KIF14: variants seen among roughly 807,000 people sequenced by gnomAD.
KIF14 encodes the protein kinesin family member 14.
KIF14 carries 98 observed loss-of-function variants against 176.2 expected under a neutral mutation model. The ratio of observed to expected loss-of-function variants is 0.56; its 90% CI spans 0.47 to 0.66. The LOEUF is 0.66. KIF14 is among the 30% of genes least tolerant of loss of function. The pLI is 0.00. For missense variants in KIF14, 1,751 were observed against 1,920.4 expected, an observed-to-expected ratio of 0.91 and a Z score of 1.65; for synonymous variants, 566 against 632.2, an observed-to-expected ratio of 0.90 and a Z score of 1.57.
chr1:200,581,080 C>A, intron 20 of KIF14, 121 bp downstream of exon 20: 2 of 496,706 alleles, frequency 4.0e-6, no homozygotes, highest in Non-Finnish European at 6.8e-6. Context: ...CGCCACTGCA[C>A]TCCAGCCTGG....
intron 7 of KIF14, 49 bp from the exon 8 acceptor site, chr1:200,605,439 T>G (rs1442105456): frequency 7.5e-7 from 1 of 1,332,260 alleles, no homozygotes. Flanking sequence ...TGTAACTCAA[T>G]GATATAAAAA....
intron 27 of KIF14, among the ~76,000 whole-genome samples, chr1:200,558,398 T>C (rs1351889167): frequency 6.6e-6 from 1 of 152,204 alleles, no homozygotes; most frequent in Admixed American, 6.5e-5. Flanking sequence ...GCATGAACAA[T>C]AGTTTTAAAA....
chr1:200,561,503 C>T (rs1657153658), intron 25 of KIF14, among the ~76,000 whole-genome samples: 1 of 151,072 alleles, frequency 6.6e-6, no homozygotes, highest in Admixed American at 6.6e-5. Context: ...CGCACCACTG[C>T]ACTCCAGCCT....
intron 23 of KIF14, 110 bp downstream of exon 23, chr1:200,569,801 A>C: frequency 9.1e-6 from 5 of 547,934 alleles, no homozygotes; most frequent in Non-Finnish European, 1.6e-5. Context: ...CAGAGGAATC[A>C]GAAGCTTCCA....
intron 4 of KIF14, among the ~76,000 whole-genome samples, chr1:200,613,885 A>G (rs987753472): frequency 2.6e-5 from 4 of 152,250 alleles, no homozygotes; most frequent in Non-Finnish European, 4.4e-5. Flanking sequence ...CAGGTGTAGT[A>G]GAGTGGAAAA....
chr1:200,595,335 C>G (rs949591770), intron 14 of KIF14, among the ~76,000 whole-genome samples: 2 of 152,190 alleles, frequency 1.3e-5, no homozygotes, highest in African/African-American at 4.8e-5. Context: ...CATGACCAGC[C>G]TCAGCCATGA....
intron 4 of KIF14, among the ~76,000 whole-genome samples, chr1:200,610,561 A>T (rs1411412733): frequency 1.3e-5 from 2 of 151,686 alleles, no homozygotes; most frequent in Non-Finnish European, 2.9e-5. Flanking sequence ...AAGTCCTTGC[A>T]TTTCTTCTTA....
chr1:200,585,667 G>A (rs573099142), intron 19 of KIF14, among the ~76,000 whole-genome samples: 4 of 152,254 alleles, frequency 2.6e-5, no homozygotes, highest in Admixed American at 2.6e-4. Context: ...GTCAGGTTCT[G>A]GTGAGGGCCC....
intron 7 of KIF14, 26 bp from the exon 8 acceptor site, chr1:200,605,416 C>T (rs1659829829): frequency 6.6e-7 from 1 of 1,506,376 alleles, no homozygotes; most frequent in Admixed American, 1.7e-5. Flanking sequence ...GAAGGAAGAT[C>T]AGATCAGCAG....
rs758559389 is a variant in KIF14 at position 200,618,656 on chromosome 1, T to G, written c.68A>C (p.Asn23Thr). ...GGTGAGGGCATTCAGTGATGAACTA[T>G]TTTGGGAAGAAGGAATATCAAGAAT... ...GDILDIPSSQ[N>T]SSSLNALTHS... The change falls in exon 2 of 30, where the codon AAT becomes ACT. Residue 23 changes from asparagine (N) to threonine (T), a missense_variant. Asn to Thr is a moderately conservative substitution (Grantham distance 65, BLOSUM62 0). Transcript: ENST00000367350. 1.9e-6 allele frequency: 3 copies of G among 1,613,548 alleles called. No individual in the cohort carries two copies. In the African/African-American group the frequency reaches 4.0e-5, roughly 22 times the overall value.
At chr1:200,597,664 T>C (rs1016578026) in intron 14 of KIF14, among the ~76,000 whole-genome samples, 12 of 151,554 alleles carry the variant, frequency 7.9e-5, no homozygotes, top group African/African-American at 2.9e-4. Flanking sequence ...TATGCACATA[T>C]TCTACAACCT....
chr1:200,571,478 T>C (rs1448674292), intron 22 of KIF14, among the ~76,000 whole-genome samples: 1 of 152,224 alleles, frequency 6.6e-6, no homozygotes, highest in African/African-American at 2.4e-5. Context: ...CTATAAATTT[T>C]CTAAACCCAA....
At position 200,608,889 on chromosome 1, in the gene KIF14, T is replaced by C. The variant is rs1571560362; in HGVS notation, c.1495A>G (p.Asn499Asp). 4 of 1,609,826 alleles carry C rather than the reference T, an allele frequency of 2.5e-6. No individual in the cohort carries two copies. Among genetic ancestry groups the C allele is most frequent in the Non-Finnish European group, 3.4e-6 (4 of 1,176,432 alleles). The change falls in exon 5 of 30, where the codon AAT becomes GAT. Residue 499 changes from asparagine to aspartate, a missense_variant. By Grantham distance (23) the Asn-to-Asp change is conservative (BLOSUM62 1). Coordinates refer to ENST00000367350, the MANE Select transcript of KIF14 (RefSeq NM_014875.3). ...HIEMSFFEVY[N>D]EKIHDLLVCK... The stretch of plus-strand genomic sequence containing the variant: ...ACCAGAAGGTCGTGAATTTTTTCAT[T>C]ATATACTTCAAAGAAGCTCATTTCA...
chr1:200,612,847 G>A (rs1383817796), intron 4 of KIF14, among the ~76,000 whole-genome samples: 1 of 149,146 alleles, frequency 6.7e-6, no homozygotes, highest in African/African-American at 2.5e-5. Flanking sequence ...AGTCCTTCAT[G>A]AGCCAAGTTC....
Position 200,581,115 on chromosome 1 carries a change from G to GAAAAAA in KIF14, c.3335+80_3335+85dup, listed in dbSNP as rs368717102. 8.8e-3 allele frequency: 2,552 copies of GAAAAAA among 289,772 alleles called. 17 individuals carry two copies. The highest frequency in any genetic ancestry group is 9.7e-3 in the South Asian group (246 of 25,378). 18.0% of individuals were successfully genotyped at this position (289,772 alleles called of 1,614,324 possible). A position where few individuals can be genotyped will look rare whatever the true frequency, so the allele number is the denominator to read the frequency against. ...GGCAACAGAGCAAGACTCTGTCTCA[G>GAAAAAA]AAAAAAAAAAAAAAAAAAGAGAAAC... On this transcript the variant is annotated intron_variant, in intron 20 of 29. Transcript: ENST00000367350.
rs967616553 is a variant in KIF14, at chr1:200,578,572, CT to C, written c.3465+1681del. Among the ~76,000 whole-genome samples the C allele has an allele frequency of 2.3e-3, 336 of 143,310 alleles. 1 individual carries two copies. The highest frequency in any genetic ancestry group is 3.9e-3 in the Admixed American group (56 of 14,270). 94.0% of individuals were successfully genotyped at this position (143,310 alleles called of 152,430 possible). A position where few individuals can be genotyped will look rare whatever the true frequency, so the allele number is the denominator to read the frequency against. On this transcript the variant is annotated intron_variant, in intron 21 of 29. Transcript: ENST00000367350. ...ATTCTATGTGATTCAAAGATGTGAA[CT>C]TTTTTTTTTTTAATTAAAAGAAAAT...
Position 200,565,606 on chromosome 1 carries a change from C to G in KIF14, c.3725G>C (p.Cys1242Ser), listed in dbSNP as rs1289227847. 6.2e-7 allele frequency: 1 copy of G among 1,611,650 alleles called. No individual in the cohort carries two copies. The highest frequency in any genetic ancestry group is 1.3e-5 in the African/African-American group (1 of 74,970). ...NSAESFLPGI[C>S]KELIGSSLDF... ...TAACGAAGAACCAATCAATTCTTTG[C>G]AAATTCCAGGAAGAAAGGACTCTGC... The change falls in exon 24 of 30, where the codon TGC becomes TCC. Residue 1242 changes from cysteine (C) to serine (S), a missense_variant. Physicochemically the swap from Cys to Ser is moderately radical, Grantham distance 112. Transcript: ENST00000367350.
intron 15 of KIF14, 37 bp downstream of exon 15, chr1:200,593,630 C>G: frequency 7.9e-7 from 1 of 1,271,086 alleles, no homozygotes; most frequent in East Asian, 2.3e-5. Flanking sequence ...TATCCAAAGT[C>G]GAACAGTTTC....
intron 19 of KIF14, among the ~76,000 whole-genome samples, chr1:200,585,291 T>C (rs952661786): frequency 6.6e-6 from 1 of 151,724 alleles, no homozygotes; most frequent in African/African-American, 2.4e-5. Flanking sequence ...ACTAGCTTGA[T>C]TATGGTAATC....
Sources: allele counts gnomAD v4.1 joint callset (sites outside exome capture counted in the v4.1 genomes callset), GRCh38; gene constraint gnomAD v4.1.1; transcripts MANE v1.5; gene names NCBI Gene and HGNC (gene_info 2026-07-23, HGNC 2026-07-21).